CAMTA2: variants seen among roughly 807,000 people sequenced by gnomAD.
CAMTA2 encodes the protein calmodulin binding transcription activator 2, also known as calmodulin-binding transcription activator 2.
In CAMTA2, 56 loss-of-function variants were observed where a neutral mutation model predicts 135.7. The ratio of observed to expected loss-of-function variants is 0.41; its 90% CI spans 0.33 to 0.52. CAMTA2 has a LOEUF of 0.52. Ranked by LOEUF, CAMTA2 falls within the 20% of genes least tolerant of loss-of-function variation. CAMTA2 has a pLI of 0.16. For missense variants in CAMTA2, 1,358 were observed against 1,553.4 expected, an observed-to-expected ratio of 0.87 and a Z score of 2.11; for synonymous variants, 591 against 604.6, an observed-to-expected ratio of 0.98 and a Z score of 0.33.
Position 4,968,509 on chromosome 17 carries a change from C to G in CAMTA2, c.*247G>C. The G allele has an allele frequency of 1.8e-6, 1 of 567,680 alleles. No homozygotes were observed. Among genetic ancestry groups the G allele is most frequent in the Non-Finnish European group, 3.2e-6 (1 of 316,638 alleles). The allele number at this position is 567,680 out of a possible 1,614,324, so 35.2% of individuals were successfully genotyped here. A position where few individuals can be genotyped will look rare whatever the true frequency, so the allele number is the denominator to read the frequency against. On this transcript the variant is annotated 3_prime_UTR_variant, in exon 23 of 23. Coordinates refer to ENST00000348066, the MANE Select transcript of CAMTA2 (RefSeq NM_015099.4). Reference sequence around the variant, plus strand: ...GCAGGCAGGGCTCCGGAGGTCACAGCGGAAGATGCAGGTATGTGGGGCGCG... The same window carrying G: ...GCAGGCAGGGCTCCGGAGGTCACAGGGGAAGATGCAGGTATGTGGGGCGCG...
chr17:4,969,242 T>C lies in CAMTA2; in HGVS notation c.3378A>G (p.Arg1126=), dbSNP rs1324237798. The change falls in exon 21 of 23, where the codon CGA becomes CGG. Residue 1126 remains arginine, a synonymous_variant. Transcript: ENST00000348066. This position sits in a 1 kb window ranked among gnomAD's most constrained non-coding sequence, Gnocchi z 5.6. ...AGTGCTGCTGGATGAGCACAGCCGC[T>C]CGGCGGCTCTGCTGAAATCGCTTCT... ...YEQKRFQQSR[R]AAVLIQQHYR... The C allele has an allele frequency of 2.5e-6, 4 of 1,613,748 alleles. No homozygotes were observed. The highest frequency in any genetic ancestry group is 3.4e-6 in the Non-Finnish European group (4 of 1,179,962).
chr17:4,980,106 C>T lies in CAMTA2; in HGVS notation c.1216G>A (p.Ala406Thr), dbSNP rs761474547. The change falls in exon 9 of 23, where the codon GCT becomes ACT. Residue 406 changes from alanine to threonine, a missense_variant. Transcript: ENST00000348066. The surrounding 1 kb of genome is among the most constrained non-coding windows in gnomAD (Gnocchi z 5.3). ...TCTAGGGCAGAACAGGGGGTATGAG[C>T]GGCCTCTGCCTCGGGGAAGTCTGGG... ...VSPDFPEAEA[A>T]HTPCSALEPA... The T allele has an allele frequency of 1.1e-5, 17 of 1,609,682 alleles. No individual in the cohort carries two copies. The East Asian group carries it at 2.0e-4, about 19-fold the overall frequency.
Position 4,977,205 on chromosome 17 carries a change from G to A in CAMTA2, c.1766-13C>T, listed in dbSNP as rs1403502506. On this transcript the variant is annotated splice_polypyrimidine_tract_variant and intron_variant, in intron 10 of 22. Transcript: ENST00000348066. ...CCTACCTCATGGGCTGGAGAGGGTA[G>A]GATCAGCGAGAAGGGCTCTCTTTCC... 1 of 1,611,792 alleles carries A rather than the reference G, an allele frequency of 6.2e-7. No homozygotes were observed. The highest frequency in any genetic ancestry group is 2.2e-5 in the East Asian group (1 of 44,836).
At chr17:4,982,914 T>G in intron 4 of CAMTA2, 22 bp from the exon 5 acceptor site, 1 of 1,614,160 alleles carries the variant, frequency 6.2e-7, no homozygotes, top group Non-Finnish European at 8.5e-7. Context: ...AGGGTTGCCC[T>G]GGAGTTCTGT....
chr17:4,979,661 G>A (rs372985646), intron 9 of CAMTA2, 23 bp downstream of exon 9: 3 of 1,510,788 alleles, frequency 2.0e-6, no homozygotes, highest in Non-Finnish European at 2.7e-6. Context: ...AGGGAGGAGG[G>A]AGGAGGTAAG....
chr17:4,986,122 T>C (rs1165597305), intron 2 of CAMTA2, 70 bp downstream of exon 2: 2 of 1,123,616 alleles, frequency 1.8e-6, no homozygotes, highest in East Asian at 2.3e-5. Flanking sequence ...ATCCAAGAAT[T>C]AGAGGGCCAC....
chr17:4,974,434 G>T lies in CAMTA2; in HGVS notation c.1967C>A (p.Ala656Glu). 6.2e-7 allele frequency: 1 copy of T among 1,613,976 alleles called. No homozygotes were observed. Among genetic ancestry groups the T allele is most frequent in the South Asian group, 1.1e-5 (1 of 91,068 alleles). Residue 656 changes from alanine to glutamate, a missense_variant, in exon 12 of 23, where the codon GCA (alanine) becomes GAA (glutamate). By Grantham distance (107) the Ala-to-Glu change is moderately radical (BLOSUM62 -1). Coordinates refer to ENST00000348066, the MANE Select transcript of CAMTA2 (RefSeq NM_015099.4). Reference protein sequence around the residue: ...EQMEKRMAEIAAAGQVPCQGP... With the variant: ...EQMEKRMAEIEAAGQVPCQGP... ...CTGGCAAGGCACCTGCCCAGCTGCT[G>T]CGATCTCTGCCATCCGCTTCTCCAT...
intron 10 of CAMTA2, 23 bp downstream of exon 10, chr17:4,978,481 C>G (rs376516): frequency 0.59 from 955,899 of 1,610,766 alleles, 287,780 homozygotes; most frequent in African/African-American, 0.66. Context: ...AGTCCCTCCC[C>G]CTACGGTTCC....
chr17:4,987,127 C>T, intron 1 of CAMTA2: 1 of 1,361,166 alleles, frequency 7.3e-7, no homozygotes, highest in East Asian at 3.1e-5. Flanking sequence ...GACTCCGCCC[C>T]AGGGCGCAGG....
chr17:4,986,267 G>T lies in CAMTA2; in HGVS notation c.-45C>A. 6.8e-7 allele frequency: 1 copy of T among 1,478,452 alleles called. No homozygotes were observed. The highest frequency in any genetic ancestry group is 9.4e-7 in the Non-Finnish European group (1 of 1,068,612). The allele number at this position is 1,478,452 out of a possible 1,614,324, so 91.6% of individuals were successfully genotyped here. A position where few individuals can be genotyped will look rare whatever the true frequency, so the allele number is the denominator to read the frequency against. On this transcript the variant is annotated 5_prime_UTR_variant, in exon 2 of 23. Transcript: ENST00000348066. Reference sequence around the variant, plus strand: ...AAGGTCACCCCCGGCCTGAGGGGCCGGGGGGAGGGGGAGTCTGTGCTGGGA... The same window carrying T: ...AAGGTCACCCCCGGCCTGAGGGGCCTGGGGGAGGGGGAGTCTGTGCTGGGA...
intron 16 of CAMTA2, 136 bp from the exon 17 acceptor site, chr17:4,970,672 CA>C: frequency 1.4e-6 from 1 of 698,312 alleles, no homozygotes; most frequent in Non-Finnish European, 2.5e-6. Flanking sequence ...GTTCCAGACT[CA>C]TTCATTTATA....
rs1972911668 is a variant in CAMTA2 at position 4,980,712 on chromosome 17, C to A, written c.701-91G>T. ...AGGCCCTTAAAAGTATTTCCTGGGA[C>A]GTCCCTATAAACCAGAGGTGTAATA... On this transcript the variant is annotated intron_variant, in intron 8 of 22. Coordinates refer to ENST00000348066, the MANE Select transcript of CAMTA2 (RefSeq NM_015099.4). This position sits in a 1 kb window ranked among gnomAD's most constrained non-coding sequence, Gnocchi z 5.3. 3 of 998,196 alleles carry A rather than the reference C, an allele frequency of 3.0e-6. No individual in the cohort carries two copies. Among genetic ancestry groups the A allele is most frequent in the Non-Finnish European group, 4.7e-6 (3 of 643,194 alleles). 61.8% of individuals were successfully genotyped at this position (998,196 alleles called of 1,614,324 possible).
In CAMTA2 at chr17:4,970,368, C is replaced by A; in HGVS notation, c.2977G>T (p.Asp993Tyr). The change falls in exon 17 of 23, where the codon GAC (aspartate) becomes TAC (tyrosine). Residue 993 changes from aspartate (D) to tyrosine (Y), a missense_variant. By Grantham distance (160) the Asp-to-Tyr change is radical. Coordinates refer to ENST00000348066, the MANE Select transcript of CAMTA2 (RefSeq NM_015099.4). ...SWLASYLENV[D>Y]HFPSSTPPSE... ...GGAGGGGTTGAGCTGGGGAAATGGT[C>A]CACATTCTCCAGGTAGCTGGCCAGC... 1.2e-6 allele frequency: 2 copies of A among 1,614,214 alleles called. No individual in the cohort carries two copies. Among genetic ancestry groups the A allele is most frequent in the Non-Finnish European group, 1.7e-6 (2 of 1,180,036 alleles).
intron 5 of CAMTA2, 110 bp downstream of exon 5, chr17:4,982,647 G>C: frequency 8.4e-7 from 1 of 1,186,368 alleles, no homozygotes; most frequent in Non-Finnish European, 1.2e-6. Context: ...AAGAGTAACT[G>C]GGAGGGGACT....
At position 4,986,266 on chromosome 17, in the gene CAMTA2, C is replaced by T. The variant is rs200275454; in HGVS notation, c.-44G>A. 1.2e-5 allele frequency: 18 copies of T among 1,458,686 alleles called. No individual in the cohort carries two copies. The highest frequency in any genetic ancestry group is 7.1e-5 in the African/African-American group (5 of 70,804). The allele number at this position is 1,458,686 out of a possible 1,614,324, so 90.4% of individuals were successfully genotyped here. A position where few individuals can be genotyped will look rare whatever the true frequency, so the allele number is the denominator to read the frequency against. On this transcript the variant is annotated 5_prime_UTR_variant, in exon 2 of 23. Coordinates refer to ENST00000348066, the MANE Select transcript of CAMTA2 (RefSeq NM_015099.4). ...CAAGGTCACCCCCGGCCTGAGGGGC[C>T]GGGGGGAGGGGGAGTCTGTGCTGGG...
rs1245273650 is a variant in CAMTA2 at position 4,977,079 on chromosome 17, G to A, written c.1879C>T (p.Leu627Phe). ...RRFLSLPSTQ[L>F]DWLSLDDNQF... ...TCACCGTCCAGTGACAGCCAGTCAA[G>A]TTGAGTACTAGGCAGAGACAGGAAT... The change falls in exon 11 of 23, where the codon CTT (leucine) becomes TTT (phenylalanine). Residue 627 changes from leucine (L) to phenylalanine (F), a missense_variant. Coordinates refer to ENST00000348066, the MANE Select transcript of CAMTA2 (RefSeq NM_015099.4). 11 of 1,614,054 alleles carry A rather than the reference G, an allele frequency of 6.8e-6. No individual in the cohort carries two copies. Among genetic ancestry groups the A allele is most frequent in the South Asian group, 1.1e-5 (1 of 91,092 alleles).
Position 4,982,832 on chromosome 17 carries a change from A to C in CAMTA2, c.264T>G (p.Gly88=). 1 of 1,614,030 alleles carries C rather than the reference A, an allele frequency of 6.2e-7. No homozygotes were observed. Among genetic ancestry groups the C allele is most frequent in the Non-Finnish European group, 8.5e-7 (1 of 1,179,982 alleles). ...NRKKVKYRKD[G]YLWKKRKDGK... ...CATCCTTCCGCTTCTTCCAGAGGTAACCATCCTTCCGATATTTCACCTTCT... is the reference window on the plus strand; with the variant it reads ...CATCCTTCCGCTTCTTCCAGAGGTACCCATCCTTCCGATATTTCACCTTCT... The change falls in exon 5 of 23, where the codon GGT becomes GGG. Residue 88 remains glycine, a synonymous_variant. Transcript: ENST00000348066.
chr17:4,972,326 C>G lies in CAMTA2; in HGVS notation c.2714G>C (p.Gly905Ala), dbSNP rs765604347. 6 of 1,613,652 alleles carry G rather than the reference C, an allele frequency of 3.7e-6. No individual in the cohort carries two copies. The highest frequency in any genetic ancestry group is 5.1e-6 in the Non-Finnish European group (6 of 1,179,778). The change falls in exon 16 of 23, where the codon GGG becomes GCG. Residue 905 changes from glycine (G) to alanine (A), a missense_variant. Physicochemically the swap from Gly to Ala is moderately conservative, Grantham distance 60 (BLOSUM62 0). Transcript: ENST00000348066. ...LMDYEATNSK[G>A]PLSSLPALPP... ...GAGGGCAGGAAGGGAGGAGAGGGGC[C>G]CCTTGGAGTTGGTAGCCTCATAGTC...
chr17:4,975,468 AAG>A (rs1010163689), intron 11 of CAMTA2, among the ~76,000 whole-genome samples: 81 of 152,274 alleles, frequency 5.3e-4, no homozygotes, highest in African/African-American at 1.9e-3. Flanking sequence ...AGAGGGATGG[AAG>A]AGACTCATAG....
Sources: allele counts gnomAD v4.1 joint callset (sites outside exome capture counted in the v4.1 genomes callset), GRCh38; gene constraint gnomAD v4.1.1; non-coding constraint Gnocchi (gnomAD v3.1); transcripts MANE v1.5; gene names NCBI Gene and HGNC (gene_info 2026-07-23, HGNC 2026-07-21).